Variants in NXPE2 observed in about 807,000 individuals in gnomAD.
NXPE2 encodes the protein NXPE family member 2.
A neutral mutation model predicts 34.4 loss-of-function variants in NXPE2; 34 were observed. That is an observed-to-expected ratio of 0.99 (90% CI 0.75 to 1.31). The LOEUF (loss-of-function observed/expected upper bound fraction) is 1.31, where lower values mean the gene tolerates loss of function less well. Ranked by LOEUF, NXPE2 falls within the 40% of genes most tolerant of loss-of-function variation. NXPE2 has a pLI of 0.00. For missense variants in NXPE2, 649 were observed against 672.5 expected, an observed-to-expected ratio of 0.97 and a Z score of 0.39; for synonymous variants, 235 against 231.3, an observed-to-expected ratio of 1.02 and a Z score of -0.15.
At chr11:114,636,176 C>T in the NXPE2 span, among the ~76,000 whole-genome samples, 8 of 151,876 alleles carry the variant, frequency 5.3e-5, no homozygotes, top group East Asian at 7.7e-4. Context: ...TCAACTTCTT[C>T]CTGGTTTAGT....
the NXPE2 span, among the ~76,000 whole-genome samples, chr11:114,532,560 A>G: frequency 6.6e-6 from 1 of 152,166 alleles, no homozygotes; most frequent in Non-Finnish European, 1.5e-5. Context: ...GAGTACAGAC[A>G]TCCCTAACTT....
At chr11:114,733,398 T>G in the NXPE2 span, among the ~76,000 whole-genome samples, 10 of 152,242 alleles carry the variant, frequency 6.6e-5, no homozygotes, top group South Asian at 2.1e-3. Context: ...CGGCCTAATA[T>G]TGGGTGTTTC....
chr11:114,696,263 T>A (rs1430505016), intron 2 of NXPE2, among the ~76,000 whole-genome samples: 1 of 140,820 alleles, frequency 7.1e-6, no homozygotes, highest in East Asian at 2.1e-4. Context: ...GCCTGGTAGG[T>A]CAAGGATCCA....
downstream of NXPE2, among the ~76,000 whole-genome samples, chr11:114,708,761 T>C (rs1859546203): frequency 6.6e-6 from 1 of 152,222 alleles, no homozygotes; most frequent in Non-Finnish European, 1.5e-5. Context: ...AAGCTACTTA[T>C]TGGTTCTAAT....
the NXPE2 span, among the ~76,000 whole-genome samples, chr11:114,771,320 T>C: frequency 6.6e-6 from 1 of 150,668 alleles, no homozygotes; most frequent in South Asian, 2.2e-4. Flanking sequence ...GAGACAAATG[T>C]CTGACACTCC....
the NXPE2 span, among the ~76,000 whole-genome samples, chr11:114,716,106 A>G: frequency 6.6e-6 from 1 of 152,178 alleles, no homozygotes; most frequent in Non-Finnish European, 1.5e-5. Flanking sequence ...CAACTTACAC[A>G]TGCCCATTCA....
the NXPE2 span, among the ~76,000 whole-genome samples, chr11:114,470,916 A>G: frequency 5.3e-5 from 8 of 152,214 alleles, no homozygotes; most frequent in African/African-American, 1.9e-4. Context: ...AGCAACATCT[A>G]GACTACTGTT....
the NXPE2 span, among the ~76,000 whole-genome samples, chr11:114,537,798 A>G: frequency 6.6e-6 from 1 of 151,962 alleles, no homozygotes; most frequent in African/African-American, 2.4e-5. Context: ...AAACAAATGG[A>G]AGAACATTCC....
At chr11:114,761,234 A>C in the NXPE2 span, among the ~76,000 whole-genome samples, 1 of 152,228 alleles carries the variant, frequency 6.6e-6, no homozygotes, top group Admixed American at 6.5e-5. Flanking sequence ...TATGAAAACT[A>C]AGCTATTTGC....
At chr11:114,572,046 G>C in the NXPE2 span, among the ~76,000 whole-genome samples, 3 of 152,186 alleles carry the variant, frequency 2.0e-5, no homozygotes, top group Non-Finnish European at 4.4e-5. Flanking sequence ...ATTCAAGGCT[G>C]CAAGACCTGA....
chr11:114,702,769 A>C (rs1951390149), intron 3 of NXPE2, among the ~76,000 whole-genome samples: 1 of 151,546 alleles, frequency 6.6e-6, no homozygotes, highest in Non-Finnish European at 1.5e-5. Context: ...TGACTCCACC[A>C]CTCCATGCAG....
At chr11:114,481,569 C>T in the NXPE2 span, among the ~76,000 whole-genome samples, 1 of 140,532 alleles carries the variant, frequency 7.1e-6, no homozygotes, top group East Asian at 1.9e-4. Context: ...CTGGTAAGAA[C>T]AACAACACAG....
the NXPE2 span, among the ~76,000 whole-genome samples, chr11:114,647,891 G>A: frequency 4.6e-5 from 7 of 151,992 alleles, no homozygotes; most frequent in African/African-American, 1.7e-4. Flanking sequence ...TAGTAGAGAC[G>A]AGGTTTCACC....
At chr11:114,557,655 AT>A in the NXPE2 span, among the ~76,000 whole-genome samples, 1 of 141,738 alleles carries the variant, frequency 7.1e-6, no homozygotes, top group Non-Finnish European at 1.5e-5. Context: ...ATATATATAT[AT>A]ATATATATAT....
At chr11:114,595,265 AC>A in the NXPE2 span, among the ~76,000 whole-genome samples, 2 of 152,088 alleles carry the variant, frequency 1.3e-5, no homozygotes, top group East Asian at 3.9e-4. Flanking sequence ...GCTTTCTAGC[AC>A]CCCCTCAAGC....
the NXPE2 span, among the ~76,000 whole-genome samples, chr11:114,661,409 T>C: frequency 1.3e-5 from 2 of 152,188 alleles, no homozygotes; most frequent in African/African-American, 4.8e-5. Context: ...ATTACTCAGA[T>C]AGGCAACAAA....
rs542203622 is a variant in NXPE2 at position 114,705,610 on chromosome 11, C to T, written c.929-171C>T. Reference sequence around the variant, plus strand: ...TATTCAAGAAAAGCTATTTAATTCACCCTTTTAACATGATCTTATTAAATA... The same window carrying T: ...TATTCAAGAAAAGCTATTTAATTCATCCTTTTAACATGATCTTATTAAATA... On this transcript the variant is annotated intron_variant, in intron 4 of 5. Coordinates refer to ENST00000389586, the MANE Select transcript of NXPE2 (RefSeq NM_182495.6). Among the ~76,000 whole-genome samples, 58 of 152,144 alleles carry T rather than the reference C, an allele frequency of 3.8e-4. No homozygotes were observed. The South Asian group carries it at 0.012, about 31-fold the overall frequency.
chr11:114,498,556 G>T, the NXPE2 span, among the ~76,000 whole-genome samples: 2 of 151,988 alleles, frequency 1.3e-5, no homozygotes, highest in Non-Finnish European at 2.9e-5. Flanking sequence ...TCTTCTTCCT[G>T]AATTTAATGA....
the NXPE2 span, chr11:114,582,438 G>A: frequency 3.7e-6 from 6 of 1,614,058 alleles, 1 homozygote; most frequent in Admixed American, 8.3e-5. Context: ...GCACAATTCA[G>A]CATTTGTGTT....
Sources: gnomAD v4.1 joint callset for allele counts (sites outside exome capture counted in the v4.1 genomes callset) on GRCh38, gnomAD v4.1.1 for gene constraint, MANE v1.5 for transcripts, NCBI Gene and HGNC (gene_info 2026-07-23, HGNC 2026-07-21) for gene names.